NKAIN4: variants seen among roughly 807,000 people sequenced by gnomAD.
The protein encoded by NKAIN4 is sodium/potassium-transporting ATPase subunit beta-1-interacting protein 4.
In NKAIN4, 28 loss-of-function variants were observed where a neutral mutation model predicts 28.8. The observed-to-expected ratio is 0.97, with a 90% CI of 0.72 to 1.33. The LOEUF (loss-of-function observed/expected upper bound fraction) is 1.33. Among genes scored for constraint, NKAIN4 ranks in the 40% most tolerant of loss-of-function variants. NKAIN4 has a pLI of 0.00. For missense variants in NKAIN4, 289 were observed against 277.2 expected (o/e 1.04, Z -0.30); for synonymous variants, 122 against 115.6 (o/e 1.06, Z -0.36).
upstream of NKAIN4, chr20:63,254,528 G>T: frequency 9.6e-7 from 1 of 1,041,428 alleles, no homozygotes; most frequent in African/African-American, 1.7e-5. Flanking sequence ...CCCACGCGCC[G>T]CAGCCTGGAC....
At chr20:63,249,899 CACCTGCCCATAA>C in intron 2 of NKAIN4, 24 bp downstream of exon 2, 1 of 1,589,602 alleles carries the variant, frequency 6.3e-7, no homozygotes, top group Non-Finnish European at 8.6e-7. Flanking sequence ...CACCTCAACC[CACCTGCCCATAA>C]AGAGGGCCGG....
Position 63,241,253 on chromosome 20 carries a change from T to C in NKAIN4, c.*244A>G. ...GTGGGGTTTTGCCTTTTCTTTTGTA[T>C]GTTTTCTTTTCTTTTTTTTTTTTAA... On this transcript the variant is annotated 3_prime_UTR_variant, in exon 7 of 7. Coordinates refer to ENST00000370316, the MANE Select transcript of NKAIN4 (RefSeq NM_152864.4). The C allele has an allele frequency of 1.9e-6, 1 of 535,232 alleles. No individual in the cohort carries two copies. The highest frequency in any genetic ancestry group is 3.3e-6 in the Non-Finnish European group (1 of 301,776). 33.2% of individuals were successfully genotyped at this position (535,232 alleles called of 1,614,324 possible).
At position 63,254,439 on chromosome 20, in the gene NKAIN4, G is replaced by C; in HGVS notation, c.12C>G (p.Cys4Trp). The change falls in exon 1 of 7, where the codon TGC (cysteine) becomes TGG (tryptophan). Residue 4 changes from cysteine to tryptophan, a missense_variant. By Grantham distance (215) the Cys-to-Trp change is radical (BLOSUM62 -2). Transcript: ENST00000370316. Reference sequence around the variant, plus strand: ...GGACGACGAGCGCGCAGCGGCCGGAGCAGGAGCCCATGGTGCCCGCCTATA... The same window carrying C: ...GGACGACGAGCGCGCAGCGGCCGGACCAGGAGCCCATGGTGCCCGCCTATA... MGSCSGRCALVVLC... is the reference protein window; with the variant it reads MGSWSGRCALVVLC... 7.1e-7 allele frequency: 1 copy of C among 1,415,940 alleles called. No individual in the cohort carries two copies. 87.7% of individuals were successfully genotyped at this position (1,415,940 alleles called of 1,614,324 possible).
rs113471936 is a variant in NKAIN4 at position 63,245,436 on chromosome 20, G to A, written c.472-1352C>T. ...CCATTGGAAGATGCCCCTTCCAGCC[G>A]GTGCCCTCCTGCCTGGGGACCTGCA... On this transcript the variant is annotated intron_variant, in intron 4 of 6. Transcript: ENST00000370316. The surrounding 1 kb of genome is among the most constrained non-coding windows in gnomAD (Gnocchi z 4.7). Among the ~76,000 whole-genome samples the A allele has an allele frequency of 0.035, 5,264 of 151,996 alleles. 158 individuals carry two copies. The highest frequency in any genetic ancestry group is 0.078 in the African/African-American group (3,219 of 41,422).
chr20:63,242,771 C>T, intron 5 of NKAIN4, 148 bp from the exon 6 acceptor site: 1 of 293,066 alleles, frequency 3.4e-6, no homozygotes, highest in East Asian at 1.1e-4. Flanking sequence ...GCAGAGGGAA[C>T]ATGGCCTGGG....
chr20:63,254,364 C>CTCCA, intron 1 of NKAIN4, 33 bp downstream of exon 1: 1 of 1,430,978 alleles, frequency 7.0e-7, no homozygotes. Flanking sequence ...GCACCGGGGG[C>CTCCA]TCCAGGAGGC....
chr20:63,250,696 G>A (rs546426814), intron 1 of NKAIN4, among the ~76,000 whole-genome samples: 16 of 152,144 alleles, frequency 1.1e-4, no homozygotes, highest in Non-Finnish European at 1.5e-4. Context: ...AACCAATGAG[G>A]GGGGGAGGGA....
chr20:63,252,816 G>C lies in NKAIN4; in HGVS notation c.54+1581C>G, dbSNP rs1030189568. On this transcript the variant is annotated intron_variant, in intron 1 of 6. Transcript: ENST00000370316. This position sits in a 1 kb window ranked among gnomAD's most constrained non-coding sequence, Gnocchi z 4.6. ...GCCCATCTGTCTACTGTCCACCGCA[G>C]AGGTGAAACGGGAACATGACCCCAC... Among the ~76,000 whole-genome samples, 3 of 152,158 alleles carry C rather than the reference G, an allele frequency of 2.0e-5. No homozygotes were observed. Among genetic ancestry groups the C allele is most frequent in the Admixed American group, 2.0e-4 (3 of 15,286 alleles).
intron 1 of NKAIN4, chr20:63,253,588 A>G (rs899029204): frequency 8.0e-6 from 7 of 878,396 alleles, no homozygotes; most frequent in Non-Finnish European, 5.5e-6. Flanking sequence ...GCCAATTAGC[A>G]TCGAAGCAAA....
At chr20:63,246,972 C>T in intron 4 of NKAIN4, 1 of 993,184 alleles carries the variant, frequency 1.0e-6, no homozygotes, top group Non-Finnish European at 1.2e-6. Flanking sequence ...CCAACCCGTG[C>T]AGGGCCGGAG....
rs1442696866 is a variant in NKAIN4, at chr20:63,246,765, C to T, written c.471+813G>A. 6 of 985,470 alleles carry T rather than the reference C, an allele frequency of 6.1e-6. No individual in the cohort carries two copies. In the South Asian group the frequency reaches 1.4e-4, roughly 23 times the overall value. 61.0% of individuals were successfully genotyped at this position (985,470 alleles called of 1,614,324 possible). A position where few individuals can be genotyped will look rare whatever the true frequency, so the allele number is the denominator to read the frequency against. ...TGCCCCCGGAGCTCTTGAGGTGAAA[C>T]GCTGACCGAGCACCCTCCACACACC... On this transcript the variant is annotated intron_variant, in intron 4 of 6. Transcript: ENST00000370316.
chr20:63,247,324 C>A, intron 4 of NKAIN4: 1 of 1,443,308 alleles, frequency 6.9e-7, no homozygotes, highest in South Asian at 1.4e-5. Context: ...CAGCAAACAC[C>A]ACGCTCAACT....
At position 63,240,911 on chromosome 20, in the gene NKAIN4, C is replaced by T. The variant is rs2066738754; in HGVS notation, c.*586G>A. 1 of 155,642 alleles carries T rather than the reference C, an allele frequency of 6.4e-6. No homozygotes were observed. The highest frequency in any genetic ancestry group is 2.4e-5 in the African/African-American group (1 of 41,468). The allele number at this position is 155,642 out of a possible 1,614,324, so 9.6% of individuals were successfully genotyped here. A position where few individuals can be genotyped will look rare whatever the true frequency, so the allele number is the denominator to read the frequency against. ...CACCACCATGTGCCCTGCCCTATGC[C>T]TTGGGGCCTGGCTCTGCTGTTCCTG... is the stretch of plus-strand genomic sequence containing the variant. On this transcript the variant is annotated 3_prime_UTR_variant, in exon 7 of 7. Coordinates refer to ENST00000370316, the MANE Select transcript of NKAIN4 (RefSeq NM_152864.4).
In NKAIN4 at chr20:63,248,439, G is replaced by T. The variant is rs112526243; in HGVS notation, c.273+376C>A. On this transcript the variant is annotated intron_variant, in intron 3 of 6. Coordinates refer to ENST00000370316, the MANE Select transcript of NKAIN4 (RefSeq NM_152864.4). Reference sequence around the variant, plus strand: ...TTCCCTGCATTGCAGGAGGCACGAGGCTTTACCAGCCTGGAGGGTTGGTCG... The same window carrying T: ...TTCCCTGCATTGCAGGAGGCACGAGTCTTTACCAGCCTGGAGGGTTGGTCG... 2.4e-5 allele frequency: 5 copies of T among 209,708 alleles called. No homozygotes were observed. The East Asian group carries it at 5.7e-4, about 24-fold the overall frequency. The allele number at this position is 209,708 out of a possible 1,614,324, so 13.0% of individuals were successfully genotyped here.
In NKAIN4 at chr20:63,245,124, C is replaced by A. The variant is rs1433671100; in HGVS notation, c.472-1040G>T. ...GACCCCCGACCCCATCTGGTACAGG[C>A]AAGTTGGTGGTTGCTTTCCTGGAAA... On this transcript the variant is annotated intron_variant, in intron 4 of 6. Coordinates refer to ENST00000370316, the MANE Select transcript of NKAIN4 (RefSeq NM_152864.4). The surrounding 1 kb of genome is among the most constrained non-coding windows in gnomAD (Gnocchi z 4.7). Among the ~76,000 whole-genome samples the A allele has an allele frequency of 6.6e-6, 1 of 152,124 alleles. No individual in the cohort carries two copies. The highest frequency in any genetic ancestry group is 1.5e-5 in the Non-Finnish European group (1 of 68,016).
chr20:63,246,356 C>T (rs963240787), intron 4 of NKAIN4, among the ~76,000 whole-genome samples: 6 of 152,218 alleles, frequency 3.9e-5, no homozygotes, highest in East Asian at 1.9e-4. Flanking sequence ...GCAATTGGGG[C>T]CCCCTCTGTG....
chr20:63,244,195 C>G, intron 4 of NKAIN4, 111 bp from the exon 5 acceptor site: 3 of 868,062 alleles, frequency 3.5e-6, no homozygotes, highest in Non-Finnish European at 5.5e-6. Context: ...AAGGCCCTGC[C>G]TCTCCTGGAC....
intron 6 of NKAIN4, chr20:63,241,764 G>A (rs1291962380): frequency 1.1e-5 from 7 of 665,124 alleles, no homozygotes; most frequent in Middle Eastern, 2.4e-4. Flanking sequence ...TGGGAGTGGA[G>A]AGGGGGCTCA....
rs1478031144 is a variant in NKAIN4, at chr20:63,252,445, A to T, written c.54+1952T>A. ...CCTTTGTCCTGTAGCTTGGTAACACAAAATTCTCACACTTGTCAAAAAAAA... is the reference window on the plus strand; with the variant it reads ...CCTTTGTCCTGTAGCTTGGTAACACTAAATTCTCACACTTGTCAAAAAAAA... On this transcript the variant is annotated intron_variant, in intron 1 of 6. Coordinates refer to ENST00000370316, the MANE Select transcript of NKAIN4 (RefSeq NM_152864.4). The surrounding 1 kb of genome is among the most constrained non-coding windows in gnomAD (Gnocchi z 4.6). Among the ~76,000 whole-genome samples, 1 of 151,852 alleles carries T rather than the reference A, an allele frequency of 6.6e-6. No homozygotes were observed. The highest frequency in any genetic ancestry group is 6.5e-5 in the Admixed American group (1 of 15,268).
Sources: gnomAD v4.1 joint callset for allele counts (sites outside exome capture counted in the v4.1 genomes callset) on GRCh38, gnomAD v4.1.1 for gene constraint, Gnocchi (gnomAD v3.1) non-coding constraint, MANE v1.5 for transcripts, NCBI Gene and HGNC (gene_info 2026-07-23, HGNC 2026-07-21) for gene names.